Variants in DHRS9 observed in about 807,000 individuals in gnomAD.
The protein encoded by DHRS9 is dehydrogenase/reductase SDR family member 9.
Under a neutral mutation model 26.6 loss-of-function variants are expected in DHRS9, and 18 were observed. The ratio of observed to expected loss-of-function variants is 0.68; its 90% CI spans 0.47 to 1.00. The LOEUF (loss-of-function observed/expected upper bound fraction) is 1.00. DHRS9 is among the 50% of genes least tolerant of loss of function. The probability of loss-of-function intolerance (pLI) is 0.00; values close to 1 mark genes in which losing one functional copy is unlikely to be tolerated. For synonymous variants in DHRS9, 134 were observed against 141.1 expected (o/e 0.95, Z 0.36); for missense variants, 425 against 378.7 (o/e 1.12, Z -1.01).
At chr2:169,084,976 A>G (rs780002405) in intron 3 of DHRS9, among the ~76,000 whole-genome samples, 1 of 152,142 alleles carries the variant, frequency 6.6e-6, no homozygotes, top group Non-Finnish European at 1.5e-5. Flanking sequence ...TCTTAGATTT[A>G]AGTCTTTAAT....
intron 3 of DHRS9, among the ~76,000 whole-genome samples, chr2:169,084,283 C>T: frequency 6.6e-6 from 1 of 152,128 alleles, no homozygotes; most frequent in Non-Finnish European, 1.5e-5. Context: ...CTGTTGTGAA[C>T]AGTGCTACAA....
intron 1 of DHRS9, among the ~76,000 whole-genome samples, chr2:169,079,620 G>A (rs962971654): frequency 5.3e-5 from 8 of 151,450 alleles, no homozygotes; most frequent in Non-Finnish European, 1.2e-4. Context: ...TTGGGAGGCC[G>A]AGGCAGGTGG....
chr2:169,067,512 T>C (rs1223050508), upstream of DHRS9, among the ~76,000 whole-genome samples: 1 of 152,232 alleles, frequency 6.6e-6, no homozygotes, highest in Non-Finnish European at 1.5e-5. Flanking sequence ...TGTGGTGGCA[T>C]CTAGCCTTAC....
At chr2:169,067,275 C>T (rs1241807550), upstream of DHRS9, 9 of 1,535,010 alleles carry the variant, frequency 5.9e-6, no homozygotes, top group Non-Finnish European at 7.9e-6. Context: ...GGAGTAAGTG[C>T]TTTCCTCCAG....
chr2:169,071,386 G>A (rs576030250), intron 1 of DHRS9, among the ~76,000 whole-genome samples: 1 of 152,318 alleles, frequency 6.6e-6, no homozygotes, highest in African/African-American at 2.4e-5. Context: ...AATAGTTAGG[G>A]ATGTGATGGT....
intron 1 of DHRS9, among the ~76,000 whole-genome samples, chr2:169,079,924 A>G (rs199808322): frequency 0.011 from 57 of 4,966 alleles, 3 homozygotes; most frequent in African/African-American, 0.037. Flanking sequence ...GGAGGGGGAG[A>G]GAGAGAGAGA....
chr2:169,070,909 A>G (rs1683782009), intron 1 of DHRS9: 1 of 244,294 alleles, frequency 4.1e-6, no homozygotes, highest in Non-Finnish European at 6.6e-6. Context: ...CTAAAAATAC[A>G]AAAAATTAGC....
intron 4 of DHRS9, among the ~76,000 whole-genome samples, chr2:169,094,592 G>A (rs572591968): frequency 6.6e-6 from 1 of 151,394 alleles, no homozygotes; most frequent in South Asian, 2.1e-4. Flanking sequence ...TGGTGCCCAG[G>A]ATGGTCTTGA....
Position 169,081,907 on chromosome 2 carries a change from G to C in DHRS9, c.313+13G>C. On this transcript the variant is annotated intron_variant, in intron 2 of 4. Coordinates refer to ENST00000674881, the MANE Select transcript of DHRS9 (RefSeq NM_001376924.1). The stretch of plus-strand genomic sequence containing the variant: ...GTTGGGGAGAAAGGTGAGAGACATG[G>C]AAGTGGGTAGGATGGGACAGGGATA... 1 of 1,592,238 alleles carries C rather than the reference G, an allele frequency of 6.3e-7. No individual in the cohort carries two copies. The highest frequency in any genetic ancestry group is 1.3e-5 in the African/African-American group (1 of 74,246).
intron 3 of DHRS9, among the ~76,000 whole-genome samples, chr2:169,084,827 T>C (rs1684301736): frequency 6.6e-6 from 1 of 152,190 alleles, no homozygotes; most frequent in South Asian, 2.1e-4. Context: ...CAGAAGCTTT[T>C]CAAATTGATG....
chr2:169,083,315 CCT>C lies in DHRS9; in HGVS notation c.314-9_314-8del. On this transcript the variant is annotated splice_polypyrimidine_tract_variant and intron_variant, in intron 2 of 4. Coordinates refer to ENST00000674881, the MANE Select transcript of DHRS9 (RefSeq NM_001376924.1). ...CTGTCTTACCACACCTCTTTTCCTT[CCT>C]CTCTGTTCTAGGTCTCTGGGGTCTG... The C allele has an allele frequency of 6.2e-7, 1 of 1,611,148 alleles. No individual in the cohort carries two copies. The highest frequency in any genetic ancestry group is 8.5e-7 in the Non-Finnish European group (1 of 1,177,610).
At chr2:169,080,723 G>A (rs1244013443) in intron 1 of DHRS9, among the ~76,000 whole-genome samples, 1 of 151,896 alleles carries the variant, frequency 6.6e-6, no homozygotes, top group Non-Finnish European at 1.5e-5. Flanking sequence ...CCGTTTTACA[G>A]CATACATTTG....
intron 1 of DHRS9, chr2:169,074,161 G>A: frequency 2.0e-6 from 1 of 509,192 alleles, no homozygotes; most frequent in Non-Finnish European, 2.5e-6. Flanking sequence ...GATTCACCCT[G>A]CCATGAAGAT....
chr2:169,070,125 T>C, intron 1 of DHRS9: 2 of 985,484 alleles, frequency 2.0e-6, no homozygotes, highest in Non-Finnish European at 2.4e-6. Flanking sequence ...CTCTGTCAAC[T>C]GCAGGTCTGA....
At chr2:169,087,924 C>T (rs1013702930) in intron 3 of DHRS9, among the ~76,000 whole-genome samples, 4 of 152,092 alleles carry the variant, frequency 2.6e-5, no homozygotes, top group African/African-American at 7.2e-5. Flanking sequence ...GAAGGAGTCT[C>T]TCCAAGAGCT....
chr2:169,083,964 G>C (rs1262405168), intron 3 of DHRS9, among the ~76,000 whole-genome samples: 2 of 150,384 alleles, frequency 1.3e-5, no homozygotes, highest in African/African-American at 4.9e-5. Context: ...CTATATTTCT[G>C]TACCCCCTAA....
chr2:169,067,087 A>G (rs534997575), upstream of DHRS9: 30 of 1,530,618 alleles, frequency 2.0e-5, no homozygotes, highest in Middle Eastern at 3.4e-4. Flanking sequence ...ATAGCAGCTT[A>G]TAGTCGTTCA....
chr2:169,079,905 G>C (rs1274408002), intron 1 of DHRS9, among the ~76,000 whole-genome samples: 2 of 84,008 alleles, frequency 2.4e-5, no homozygotes, highest in Non-Finnish European at 4.4e-5. Context: ...GAGGGAGGGA[G>C]GGAGGGAGGG....
chr2:169,088,040 G>A (rs376711232), intron 3 of DHRS9, among the ~76,000 whole-genome samples: 18 of 152,266 alleles, frequency 1.2e-4, no homozygotes, highest in African/African-American at 3.6e-4. Flanking sequence ...CACTGTCTCC[G>A]AGCACAGCAC....
Sources: gnomAD v4.1 joint callset for allele counts (sites outside exome capture counted in the v4.1 genomes callset) on GRCh38, gnomAD v4.1.1 for gene constraint, MANE v1.5 for transcripts, NCBI Gene and HGNC (gene_info 2026-07-23, HGNC 2026-07-21) for gene names.